Variants in C11orf42 observed in about 807,000 individuals in gnomAD.
C11orf42 encodes the protein chromosome 11 open reading frame 42.
A neutral mutation model predicts 27.9 loss-of-function variants in C11orf42; 24 were observed. That is an observed-to-expected ratio of 0.86 (90% CI 0.62 to 1.21). The LOEUF is 1.21. Among genes scored for constraint, C11orf42 ranks in the 50% most tolerant of loss-of-function variants. C11orf42 has a pLI of 0.00. For missense variants in C11orf42, 455 were observed against 424.1 expected (o/e 1.07, Z -0.64); for synonymous variants, 187 against 180.8 (o/e 1.03, Z -0.28).
chr11:6,209,782 C>T, intron 1 of C11orf42, 68 bp from the exon 2 acceptor site: 1 of 1,456,012 alleles, frequency 6.9e-7, no homozygotes, highest in South Asian at 1.4e-5. Context: ...ACCTGGGGGT[C>T]AATTTAAAGT....
chr11:6,207,098 G>GA (rs1846987134), intron 1 of C11orf42, among the ~76,000 whole-genome samples: 2 of 152,148 alleles, frequency 1.3e-5, no homozygotes, highest in African/African-American at 4.8e-5. Flanking sequence ...GATGCCCCTG[G>GA]AAAACCTAAA....
At chr11:6,208,404 A>T (rs975065626) in intron 1 of C11orf42, among the ~76,000 whole-genome samples, 1 of 152,180 alleles carries the variant, frequency 6.6e-6, no homozygotes, top group Non-Finnish European at 1.5e-5. Context: ...TTGATTAAAG[A>T]CATCACCCAT....
In C11orf42 at chr11:6,209,925, G is replaced by A; in HGVS notation, c.148G>A (p.Gly50Ser). The A allele has an allele frequency of 6.2e-7, 1 of 1,609,212 alleles. No homozygotes were observed. The highest frequency in any genetic ancestry group is 2.2e-5 in the East Asian group (1 of 44,684). Reference sequence around the variant, plus strand: ...AGATGCAGCCTGCTATGACCTACTGGGTGTGCTGGTAAAACAGTCCCGCCC... The same window carrying A: ...AGATGCAGCCTGCTATGACCTACTGAGTGTGCTGGTAAAACAGTCCCGCCC... ...LSDAACYDLL[G>S]VLVKQSRPAH... Residue 50 changes from glycine (G) to serine (S), a missense_variant, in exon 2 of 3, where the codon GGT becomes AGT. By Grantham distance (56) the Gly-to-Ser change is moderately conservative. Transcript: ENST00000316375.
Position 6,210,429 on chromosome 11 carries a change from C to G in C11orf42, c.652C>G (p.Pro218Ala). 2 of 1,614,178 alleles carry G rather than the reference C, an allele frequency of 1.2e-6. No homozygotes were observed. The highest frequency in any genetic ancestry group is 1.7e-6 in the Non-Finnish European group (2 of 1,180,020). ...LGPQKPLTKD[P>A]LPHGANWVRP... ...ACCACAGAAGCCTCTCACTAAAGAC[C>G]CATTGCCCCATGGGGCCAACTGGGT... is the stretch of plus-strand genomic sequence containing the variant. The change falls in exon 2 of 3, where the codon CCA becomes GCA. Residue 218 changes from proline to alanine, a missense_variant. By Grantham distance (27) the Pro-to-Ala change is conservative. Coordinates refer to ENST00000316375, the MANE Select transcript of C11orf42 (RefSeq NM_173525.3). This position sits in a 1 kb window ranked among gnomAD's most constrained non-coding sequence, Gnocchi z 4.0.
chr11:6,210,331 T>G lies in C11orf42; in HGVS notation c.554T>G (p.Leu185Arg). The change falls in exon 2 of 3, where the codon CTC becomes CGC. Residue 185 changes from leucine to arginine, a missense_variant. Physicochemically the swap from Leu to Arg is moderately radical, Grantham distance 102. Coordinates refer to ENST00000316375, the MANE Select transcript of C11orf42 (RefSeq NM_173525.3). The surrounding 1 kb of genome is among the most constrained non-coding windows in gnomAD (Gnocchi z 4.0). ...TCTACAGCCCGTGAGCCCCAGCTCC[T>G]CCGGCTACTTCGGTCATTACCTGTT... Reference protein sequence around the residue: ...LTSTAREPQLLRLLRSLPVAF... With the variant: ...LTSTAREPQLRRLLRSLPVAF... 2 of 1,614,196 alleles carry G rather than the reference T, an allele frequency of 1.2e-6. No homozygotes were observed. Among genetic ancestry groups the G allele is most frequent in the Non-Finnish European group, 1.7e-6 (2 of 1,180,026 alleles).
Position 6,211,064 on chromosome 11 carries a change from G to C in C11orf42, c.*22G>C. Reference sequence around the variant, plus strand: ...CTGAAGCTGAAGCAAAAGATTCCGGGGGCAAAGCCCCCAAGATCTGGCATA... The same window carrying C: ...CTGAAGCTGAAGCAAAAGATTCCGGCGGCAAAGCCCCCAAGATCTGGCATA... On this transcript the variant is annotated 3_prime_UTR_variant, in exon 3 of 3. Transcript: ENST00000316375. 1 of 1,608,140 alleles carries C rather than the reference G, an allele frequency of 6.2e-7. No homozygotes were observed. Among genetic ancestry groups the C allele is most frequent in the East Asian group, 2.2e-5 (1 of 44,708 alleles).
In C11orf42 at chr11:6,211,072, C is replaced by T; in HGVS notation, c.*30C>T. On this transcript the variant is annotated 3_prime_UTR_variant, in exon 3 of 3. Transcript: ENST00000316375. ...GAAGCAAAAGATTCCGGGGGCAAAG[C>T]CCCCAAGATCTGGCATAGGGGTACT... 1 of 1,607,808 alleles carries T rather than the reference C, an allele frequency of 6.2e-7. No homozygotes were observed. The highest frequency in any genetic ancestry group is 1.1e-5 in the South Asian group (1 of 90,346).
chr11:6,207,400 T>C (rs1846991066), intron 1 of C11orf42, among the ~76,000 whole-genome samples: 1 of 152,200 alleles, frequency 6.6e-6, no homozygotes, highest in East Asian at 1.9e-4. Flanking sequence ...GCACCAGATA[T>C]ATTAAATGTC....
chr11:6,209,936 A>G lies in C11orf42; in HGVS notation c.159A>G (p.Val53=), dbSNP rs779963730. 1.2e-6 allele frequency: 2 copies of G among 1,610,820 alleles called. No individual in the cohort carries two copies. The highest frequency in any genetic ancestry group is 1.7e-6 in the Non-Finnish European group (2 of 1,177,126). Residue 53 remains valine, a synonymous_variant, in exon 2 of 3, where the codon GTA becomes GTG. Transcript: ENST00000316375. ...GCTATGACCTACTGGGTGTGCTGGTAAAACAGTCCCGCCCAGCCCATACCC... is the reference window on the plus strand; with the variant it reads ...GCTATGACCTACTGGGTGTGCTGGTGAAACAGTCCCGCCCAGCCCATACCC... ...AACYDLLGVL[V]KQSRPAHTRL...
Position 6,210,398 on chromosome 11 carries a change from G to A in C11orf42, c.621G>A (p.Val207=). 1 of 1,614,184 alleles carries A rather than the reference G, an allele frequency of 6.2e-7. No homozygotes were observed. The highest frequency in any genetic ancestry group is 1.1e-5 in the South Asian group (1 of 91,090). The stretch of plus-strand genomic sequence containing the variant: ...AGTTTTCACTGCAGTCTAAGGGCGT[G>A]CTGGGACCACAGAAGCCTCTCACTA... ...CLKFSLQSKG[V]LGPQKPLTKD... is the part of the protein sequence containing the mutation. Residue 207 remains valine (V), a synonymous_variant, in exon 2 of 3, where the codon GTG becomes GTA. Transcript: ENST00000316375. The surrounding 1 kb of genome is among the most constrained non-coding windows in gnomAD (Gnocchi z 4.0).
chr11:6,209,706 C>T (rs544108196), intron 1 of C11orf42, 144 bp from the exon 2 acceptor site: 6 of 766,322 alleles, frequency 7.8e-6, no homozygotes, highest in Admixed American at 7.8e-5. Context: ...GTTTTGCTGC[C>T]GGAGAGCTGG....
chr11:6,205,654 A>G lies in C11orf42; in HGVS notation c.39A>G (p.Glu13=). The change falls in exon 1 of 3, where the codon GAA becomes GAG. Residue 13 remains glutamate, a synonymous_variant. Transcript: ENST00000316375. ...CCCCCAACCTGCTGACACTGGATGA[A>G]GCTGATGCCACCTGGACCCTCATCA... ...VGTPNLLTLD[E]ADATWTLIKD... is the part of the protein sequence containing the mutation. 1 of 1,613,962 alleles carries G rather than the reference A, an allele frequency of 6.2e-7. No individual in the cohort carries two copies. Among genetic ancestry groups the G allele is most frequent in the Non-Finnish European group, 8.5e-7 (1 of 1,179,912 alleles).
rs570925530 is a variant in C11orf42 at position 6,210,623 on chromosome 11, C to T, written c.846C>T (p.Phe282=). The change falls in exon 2 of 3, where the codon TTC becomes TTT. Residue 282 remains phenylalanine, a synonymous_variant. Coordinates refer to ENST00000316375, the MANE Select transcript of C11orf42 (RefSeq NM_173525.3). The surrounding 1 kb of genome is among the most constrained non-coding windows in gnomAD (Gnocchi z 4.0). ...TCTCCTACAAGGGCCGAAACCCCTT[C>T]TGGAGGGGGCCCCAGATACTGTCAG... ...TRFSYKGRNP[F]WRGPQILSEN... 5.1e-5 allele frequency: 83 copies of T among 1,613,988 alleles called. No homozygotes were observed. The highest frequency in any genetic ancestry group is 5.8e-5 in the Non-Finnish European group (68 of 1,180,004).
At position 6,205,662 on chromosome 11, in the gene C11orf42, C is replaced by A; in HGVS notation, c.47C>A (p.Ala16Asp). ...PNLLTLDEADATWTLIKDKVI... is the reference protein window; with the variant it reads ...PNLLTLDEADDTWTLIKDKVI... ...CTGCTGACACTGGATGAAGCTGATGCCACCTGGACCCTCATCAAGGATAAG... is the reference window on the plus strand; with the variant it reads ...CTGCTGACACTGGATGAAGCTGATGACACCTGGACCCTCATCAAGGATAAG... The change falls in exon 1 of 3, where the codon GCC becomes GAC. Residue 16 changes from alanine (A) to aspartate (D), a missense_variant. By Grantham distance (126) the Ala-to-Asp change is moderately radical. Coordinates refer to ENST00000316375, the MANE Select transcript of C11orf42 (RefSeq NM_173525.3). 6.2e-7 allele frequency: 1 copy of A among 1,613,796 alleles called. No homozygotes were observed. Among genetic ancestry groups the A allele is most frequent in the Non-Finnish European group, 8.5e-7 (1 of 1,179,778 alleles).
In C11orf42 at chr11:6,209,838, G is replaced by A. The variant is rs746902245; in HGVS notation, c.73-12G>A. On this transcript the variant is annotated splice_polypyrimidine_tract_variant and intron_variant, in intron 1 of 2. Coordinates refer to ENST00000316375, the MANE Select transcript of C11orf42 (RefSeq NM_173525.3). ...ACCCTAAGTCCCTGACCTATAAACT[G>A]GCCACCTGCAGGTCATCGAGGAGCA... The A allele has an allele frequency of 6.4e-7, 1 of 1,567,070 alleles. No individual in the cohort carries two copies. The highest frequency in any genetic ancestry group is 8.7e-7 in the Non-Finnish European group (1 of 1,150,894).
Position 6,210,340 on chromosome 11 carries a change from T to C in C11orf42, c.563T>C (p.Leu188Pro). The C allele has an allele frequency of 6.2e-7, 1 of 1,614,224 alleles. No individual in the cohort carries two copies. The highest frequency in any genetic ancestry group is 8.5e-7 in the Non-Finnish European group (1 of 1,180,028). Residue 188 changes from leucine to proline, a missense_variant, in exon 2 of 3, where the codon CTT (leucine) becomes CCT (proline). By Grantham distance (98) the Leu-to-Pro change is moderately conservative. Coordinates refer to ENST00000316375, the MANE Select transcript of C11orf42 (RefSeq NM_173525.3). The surrounding 1 kb of genome is among the most constrained non-coding windows in gnomAD (Gnocchi z 4.0). ...TAREPQLLRL[L>P]RSLPVAFSCL... ...CGTGAGCCCCAGCTCCTCCGGCTACTTCGGTCATTACCTGTTGCCTTCTCC... is the reference window on the plus strand; with the variant it reads ...CGTGAGCCCCAGCTCCTCCGGCTACCTCGGTCATTACCTGTTGCCTTCTCC...
chr11:6,209,702 C>A, intron 1 of C11orf42, 148 bp from the exon 2 acceptor site: 1 of 732,610 alleles, frequency 1.4e-6, no homozygotes, highest in Non-Finnish European at 2.2e-6. Flanking sequence ...CAAGGTTTTG[C>A]TGCCGGAGAG....
intron 1 of C11orf42, among the ~76,000 whole-genome samples, chr11:6,206,686 C>G (rs577942325): frequency 1.3e-5 from 2 of 152,248 alleles, no homozygotes; most frequent in Admixed American, 1.3e-4. Context: ...AACTGGAGAG[C>G]TCAAGGTCTT....
At chr11:6,207,425 G>A (rs1846991427) in intron 1 of C11orf42, among the ~76,000 whole-genome samples, 1 of 152,204 alleles carries the variant, frequency 6.6e-6, no homozygotes, top group Non-Finnish European at 1.5e-5. Context: ...TCCTATCAGA[G>A]GGGCCTCTTC....
Sources: allele counts gnomAD v4.1 joint callset (sites outside exome capture counted in the v4.1 genomes callset), GRCh38; gene constraint gnomAD v4.1.1; non-coding constraint Gnocchi (gnomAD v3.1); transcripts MANE v1.5; gene names NCBI Gene and HGNC (gene_info 2026-07-23, HGNC 2026-07-21).